The following SCHIP1 variants were observed in gnomAD, a reference collection of about 807,000 sequenced individuals.
SCHIP1 encodes the protein schwannomin-interacting protein 1.
A neutral mutation model predicts 29.7 loss-of-function variants in SCHIP1; 8 were observed. That is an observed-to-expected ratio of 0.27 (90% confidence interval 0.16 to 0.49). The LOEUF is 0.49. Among genes scored for constraint, SCHIP1 ranks in the 20% least tolerant of loss-of-function variants. SCHIP1 has a pLI of 0.99. For synonymous variants in SCHIP1, 76 were observed against 94.9 expected, an observed-to-expected ratio of 0.80 and a Z score of 1.16; for missense variants, 193 against 294.6, an observed-to-expected ratio of 0.66 and a Z score of 2.52.
chr3:159,539,055 T>C, the SCHIP1 span, among the ~76,000 whole-genome samples: 1 of 152,060 alleles, frequency 6.6e-6, no homozygotes, highest in South Asian at 2.1e-4. Flanking sequence ...AAATGGCTAA[T>C]AGTAAGAATA....
chr3:159,783,013 G>A, the SCHIP1 span, among the ~76,000 whole-genome samples: 18 of 152,328 alleles, frequency 1.2e-4, no homozygotes, highest in South Asian at 3.7e-3. Flanking sequence ...TTGGGAAGGG[G>A]GAAGTTGAGG....
the SCHIP1 span, among the ~76,000 whole-genome samples, chr3:159,402,823 C>T: frequency 3.1e-4 from 47 of 151,900 alleles, no homozygotes; most frequent in African/African-American, 1.1e-3. Context: ...GGAGATATAC[C>T]TAATGCTAAA....
the SCHIP1 span, among the ~76,000 whole-genome samples, chr3:159,359,542 T>C: frequency 6.6e-6 from 1 of 152,194 alleles, no homozygotes; most frequent in Non-Finnish European, 1.5e-5. Flanking sequence ...AATTATAAGA[T>C]ACATGTTAAA....
At chr3:159,517,535 G>C in the SCHIP1 span, among the ~76,000 whole-genome samples, 202 of 152,112 alleles carry the variant, frequency 1.3e-3, 3 homozygotes, top group East Asian at 0.037. Flanking sequence ...TCATTGTTAA[G>C]GTGTTATTAC....
the SCHIP1 span, among the ~76,000 whole-genome samples, chr3:159,288,185 G>A: frequency 1.3e-5 from 2 of 152,150 alleles, no homozygotes; most frequent in Non-Finnish European, 2.9e-5. Flanking sequence ...GACAGTCTAT[G>A]TGCAGGCTGT....
At chr3:159,405,837 T>C in the SCHIP1 span, among the ~76,000 whole-genome samples, 1 of 147,798 alleles carries the variant, frequency 6.8e-6, no homozygotes, top group African/African-American at 2.5e-5. Context: ...GAGCTGAGAT[T>C]GCACCACTGC....
the SCHIP1 span, among the ~76,000 whole-genome samples, chr3:159,791,888 T>C: frequency 2.0e-5 from 3 of 152,192 alleles, no homozygotes; most frequent in African/African-American, 7.2e-5. Flanking sequence ...AAAATACTTT[T>C]ATCTTAATGA....
At chr3:159,612,928 A>G in the SCHIP1 span, among the ~76,000 whole-genome samples, 75 of 152,294 alleles carry the variant, frequency 4.9e-4, 1 homozygote, top group East Asian at 0.014. Flanking sequence ...TTGTGTTTCT[A>G]TAATTATATG....
chr3:159,548,683 TA>T, the SCHIP1 span, among the ~76,000 whole-genome samples: 1 of 152,060 alleles, frequency 6.6e-6, no homozygotes, highest in Non-Finnish European at 1.5e-5. Flanking sequence ...TCCCTTCTAC[TA>T]AATATATCTA....
the SCHIP1 span, among the ~76,000 whole-genome samples, chr3:159,647,934 C>T: frequency 6.6e-5 from 10 of 152,084 alleles, no homozygotes; most frequent in Admixed American, 6.6e-4. Flanking sequence ...ACTGATTTTT[C>T]TGGAGATCTT....
At chr3:159,761,235 CTT>C in the SCHIP1 span, among the ~76,000 whole-genome samples, 1 of 152,136 alleles carries the variant, frequency 6.6e-6, no homozygotes, top group African/African-American at 2.4e-5. Context: ...AGTTGGGAAA[CTT>C]TAGTAATTTC....
At chr3:159,517,504 AAAGT>A in the SCHIP1 span, among the ~76,000 whole-genome samples, 1 of 152,186 alleles carries the variant, frequency 6.6e-6, no homozygotes, top group Non-Finnish European at 1.5e-5. Flanking sequence ...GCATTTTAAG[AAAGT>A]AAGTGTAGAA....
At chr3:159,746,257 G>A in the SCHIP1 span, among the ~76,000 whole-genome samples, 1 of 152,142 alleles carries the variant, frequency 6.6e-6, no homozygotes, top group Non-Finnish European at 1.5e-5. Flanking sequence ...TCATTGTCTT[G>A]TCATTTATCA....
At chr3:159,553,902 G>A in the SCHIP1 span, among the ~76,000 whole-genome samples, 100 of 151,990 alleles carry the variant, frequency 6.6e-4, 1 homozygote, top group South Asian at 8.1e-3. Context: ...CTGGGTTCAC[G>A]CCATTCTTCT....
At chr3:159,375,220 A>G in the SCHIP1 span, among the ~76,000 whole-genome samples, 18 of 152,308 alleles carry the variant, frequency 1.2e-4, no homozygotes, top group Middle Eastern at 6.8e-3. Context: ...ACAGGTGACC[A>G]TCAAGTAAAC....
the SCHIP1 span, among the ~76,000 whole-genome samples, chr3:159,535,646 T>C: frequency 3.9e-5 from 6 of 152,208 alleles, no homozygotes; most frequent in Non-Finnish European, 7.3e-5. Flanking sequence ...ATAGACTAGT[T>C]GGATTGTAGA....
the SCHIP1 span, among the ~76,000 whole-genome samples, chr3:159,597,330 C>T: frequency 1.3e-5 from 2 of 152,050 alleles, no homozygotes; most frequent in Non-Finnish European, 2.9e-5. Context: ...GAGTACAATA[C>T]ATTTTTGTTA....
chr3:159,549,564 A>G, the SCHIP1 span, among the ~76,000 whole-genome samples: 1 of 152,162 alleles, frequency 6.6e-6, no homozygotes, highest in African/African-American at 2.4e-5. Context: ...AGGAGCACAC[A>G]GTGAGATAAC....
At chr3:159,539,956 T>G in the SCHIP1 span, among the ~76,000 whole-genome samples, 1 of 152,082 alleles carries the variant, frequency 6.6e-6, no homozygotes, top group Non-Finnish European at 1.5e-5. Flanking sequence ...TTCTTTAAAG[T>G]TAGGAAAGAC....
Sources: gnomAD v4.1 joint callset for allele counts (sites outside exome capture counted in the v4.1 genomes callset) on GRCh38, gnomAD v4.1.1 for gene constraint, MANE v1.5 for transcripts, NCBI Gene and HGNC (gene_info 2026-07-23, HGNC 2026-07-21) for gene names.